The following THYN1 variants were observed in gnomAD, a reference collection of about 807,000 sequenced individuals.
THYN1 encodes the protein thymocyte nuclear protein 1, also known as thymocyte protein thy28.
In THYN1, 32 loss-of-function variants were observed where a neutral mutation model predicts 30.6. The observed-to-expected ratio is 1.05, with a 90% CI of 0.79 to 1.40. THYN1 has a LOEUF of 1.40. THYN1 is among the 40% of genes most tolerant of loss of function. The pLI, the probability that THYN1 is intolerant of heterozygous loss-of-function variation, is 0.00. For missense variants in THYN1, 259 were observed against 272.6 expected (o/e 0.95, Z 0.35); for synonymous variants, 107 against 90.8 (o/e 1.18, Z -1.01).
chr11:134,251,813 A>G (rs916687446), intron 1 of THYN1: 1 of 152,508 alleles, frequency 6.6e-6, no homozygotes. Context: ...AGGTGCCAAT[A>G]AAAGTTGAAA....
chr11:134,248,459 C>T lies in THYN1; in HGVS notation c.657G>A (p.Leu219=), dbSNP rs377165872. 5 of 1,613,670 alleles carry T rather than the reference C, an allele frequency of 3.1e-6. No individual in the cohort carries two copies. The African/African-American group carries it at 6.7e-5, about 22-fold the overall frequency. The change falls in exon 7 of 7, where the codon CTG becomes CTA. Residue 219 remains leucine, a synonymous_variant. Coordinates refer to ENST00000341541, the MANE Select transcript of THYN1 (RefSeq NM_014174.3). ...TQEEFDFVLS[L]EEKEPS is the part of the protein sequence containing the mutation. Reference sequence around the variant, plus strand: ...TCAGTTAACTTGGTTCCTTTTCCTCCAGGCTCAAAACAAAATCAAACTCTT... The same window carrying T: ...TCAGTTAACTTGGTTCCTTTTCCTCTAGGCTCAAAACAAAATCAAACTCTT...
At chr11:134,249,743 C>T (rs1344873053) in intron 4 of THYN1, 85 bp downstream of exon 4, 3 of 1,347,994 alleles carry the variant, frequency 2.2e-6, no homozygotes, top group Admixed American at 4.0e-5. Context: ...TTTTTTGTTG[C>T]CTAATTAAGG....
At position 134,253,178 on chromosome 11, in the gene THYN1, C is replaced by T; in HGVS notation, c.-296G>A. The T allele has an allele frequency of 8.2e-6, 11 of 1,338,124 alleles. No homozygotes were observed. The highest frequency in any genetic ancestry group is 5.7e-5 in the South Asian group (3 of 52,954). The allele number at this position is 1,338,124 out of a possible 1,614,324, so 82.9% of individuals were successfully genotyped here. On this transcript the variant is annotated 5_prime_UTR_variant, in exon 1 of 7. Coordinates refer to ENST00000341541, the MANE Select transcript of THYN1 (RefSeq NM_014174.3). ...CAGTATGTAGTTCACTGGGAAGTGG[C>T]TCCACAGAGACACTTTTGTTGGGTG... is the stretch of plus-strand genomic sequence containing the variant.
rs760914636 is a variant in THYN1, at chr11:134,252,886, C to A, written c.-4G>T. ...GCCTCTTCCGGGGTCTCGACATGGT[C>A]ACGCTGCAGGGGACTTTAGTGCGGA... On this transcript the variant is annotated 5_prime_UTR_variant, in exon 1 of 7. Coordinates refer to ENST00000341541, the MANE Select transcript of THYN1 (RefSeq NM_014174.3). The A allele has an allele frequency of 1.2e-6, 2 of 1,600,636 alleles. No homozygotes were observed. Among genetic ancestry groups the A allele is most frequent in the African/African-American group, 1.4e-5 (1 of 73,722 alleles).
intron 4 of THYN1, among the ~76,000 whole-genome samples, chr11:134,249,516 G>GT (rs1246353572): frequency 6.6e-6 from 1 of 152,150 alleles, no homozygotes; most frequent in Non-Finnish European, 1.5e-5. Flanking sequence ...TGGTACCACT[G>GT]TTTTTTTCCC....
In THYN1 at chr11:134,253,218, TTG is replaced by T; in HGVS notation, c.-338_-337del. The T allele has an allele frequency of 7.6e-7, 1 of 1,320,702 alleles. No individual in the cohort carries two copies. Among genetic ancestry groups the T allele is most frequent in the Non-Finnish European group, 9.6e-7 (1 of 1,036,692 alleles). The allele number at this position is 1,320,702 out of a possible 1,614,324, so 81.8% of individuals were successfully genotyped here. ...TTTGTTGGGTGAATATAAGTAAGCC[TTG>T]TGTTACCTTGTTATCCTTGCTAATT... On this transcript the variant is annotated 5_prime_UTR_variant, in exon 1 of 7. Transcript: ENST00000341541.
At chr11:134,249,732 CTTTT>C (rs780349488) in intron 4 of THYN1, 92 bp downstream of exon 4, 20 of 1,261,758 alleles carry the variant, frequency 1.6e-5, no homozygotes, top group Non-Finnish European at 2.1e-5. Context: ...GGGGAGTGTA[CTTTT>C]TTGTTGCCTA....
Position 134,252,872 on chromosome 11 carries a change from G to A in THYN1, c.11C>T (p.Pro4Leu). 1.2e-6 allele frequency: 2 copies of A among 1,604,510 alleles called. No homozygotes were observed. The highest frequency in any genetic ancestry group is 1.7e-6 in the Non-Finnish European group (2 of 1,177,192). ...AGAAGTCCCAGCCAGCCTCTTCCGG[G>A]GTCTCGACATGGTCACGCTGCAGGG... MSRPRKRLAGTSGS... is the reference protein window; with the variant it reads MSRLRKRLAGTSGS... The change falls in exon 1 of 7, where the codon CCC becomes CTC. Residue 4 changes from proline (P) to leucine (L), a missense_variant. Coordinates refer to ENST00000341541, the MANE Select transcript of THYN1 (RefSeq NM_014174.3).
chr11:134,252,777 A>G (rs1290251502), intron 1 of THYN1, 63 bp downstream of exon 1: 2 of 1,589,456 alleles, frequency 1.3e-6, no homozygotes, highest in South Asian at 1.1e-5. Flanking sequence ...AATGAGTACT[A>G]AACAGGCTCT....
intron 1 of THYN1, chr11:134,251,734 A>G (rs1939069259): frequency 6.4e-6 from 1 of 155,370 alleles, no homozygotes; most frequent in Admixed American, 6.5e-5. Flanking sequence ...AAGCATTATT[A>G]TTCTCATCTC....
chr11:134,252,099 A>G (rs1591494615), intron 1 of THYN1, among the ~76,000 whole-genome samples: 1 of 152,180 alleles, frequency 6.6e-6, no homozygotes, highest in Admixed American at 6.6e-5. Context: ...ACTGAGGTCT[A>G]TCTGAAGCTA....
In THYN1 at chr11:134,248,472, A is replaced by G. The variant is rs1565361332; in HGVS notation, c.644T>C (p.Phe215Ser). 1 of 1,613,660 alleles carries G rather than the reference A, an allele frequency of 6.2e-7. No individual in the cohort carries two copies. The highest frequency in any genetic ancestry group is 1.1e-5 in the South Asian group (1 of 91,066). ...TTCCTTTTCCTCCAGGCTCAAAACA[A>G]AATCAAACTCTTCTACAAAAAAAAA... ...IQPLTQEEFD[F>S]VLSLEEKEPS The change falls in exon 7 of 7, where the codon TTT becomes TCT. Residue 215 changes from phenylalanine to serine, a missense_variant. Coordinates refer to ENST00000341541, the MANE Select transcript of THYN1 (RefSeq NM_014174.3).
Position 134,248,393 on chromosome 11 carries a change from C to G in THYN1, c.*45G>C. Reference sequence around the variant, plus strand: ...CACCTTTTGTCTGAAAAAAGCTTGACTTCTTTGCAGCAATGTCTCGCCCAT... The same window carrying G: ...CACCTTTTGTCTGAAAAAAGCTTGAGTTCTTTGCAGCAATGTCTCGCCCAT... On this transcript the variant is annotated 3_prime_UTR_variant, in exon 7 of 7. Coordinates refer to ENST00000341541, the MANE Select transcript of THYN1 (RefSeq NM_014174.3). 1 of 1,613,432 alleles carries G rather than the reference C, an allele frequency of 6.2e-7. No homozygotes were observed. The highest frequency in any genetic ancestry group is 8.5e-7 in the Non-Finnish European group (1 of 1,179,352).
rs1329578859 is a variant in THYN1 at position 134,248,665 on chromosome 11, C to T, written c.631+144G>A. On this transcript the variant is annotated intron_variant, in intron 6 of 6. Coordinates refer to ENST00000341541, the MANE Select transcript of THYN1 (RefSeq NM_014174.3). ...GGTAATAGTAACAGGTAACTCTGGC[C>T]ACATTCCCTCCCTCATGGGTGTTAC... The T allele has an allele frequency of 7.3e-6, 10 of 1,364,116 alleles. No homozygotes were observed. The Admixed American group carries it at 1.1e-4, about 15-fold the overall frequency. 84.5% of individuals were successfully genotyped at this position (1,364,116 alleles called of 1,614,324 possible). A position where few individuals can be genotyped will look rare whatever the true frequency, so the allele number is the denominator to read the frequency against.
rs1017531568 is a variant in THYN1 at position 134,253,318 on chromosome 11, A to G, written c.-436T>C. The stretch of plus-strand genomic sequence containing the variant: ...ACAGACCCAACACTCTGCAGACTCG[A>G]CTGCGGTCCGCCTCCGCTGCGCCGC... On this transcript the variant is annotated 5_prime_UTR_variant, in exon 1 of 7. Transcript: ENST00000341541. The G allele has an allele frequency of 7.9e-5, 110 of 1,399,008 alleles. No individual in the cohort carries two copies. The highest frequency in any genetic ancestry group is 9.7e-5 in the Non-Finnish European group (105 of 1,077,478). The allele number at this position is 1,399,008 out of a possible 1,614,324, so 86.7% of individuals were successfully genotyped here.
chr11:134,249,572 T>A (rs560005134), intron 4 of THYN1, among the ~76,000 whole-genome samples: 2 of 152,178 alleles, frequency 1.3e-5, no homozygotes. Flanking sequence ...GGAGGAGCTA[T>A]CATCAGGCCT....
intron 1 of THYN1, 157 bp from the exon 2 acceptor site, chr11:134,251,465 A>G: frequency 1.2e-6 from 1 of 831,680 alleles, no homozygotes; most frequent in Non-Finnish European, 1.9e-6. Context: ...TTCCTTATCT[A>G]TAAAAATTAG....
At position 134,249,245 on chromosome 11, in the gene THYN1, G is replaced by A. The variant is rs748820188; in HGVS notation, c.402C>T (p.Tyr134=). The A allele has an allele frequency of 1.2e-6, 2 of 1,614,212 alleles. No individual in the cohort carries two copies. The highest frequency in any genetic ancestry group is 2.2e-5 in the East Asian group (1 of 44,878). ...AGLMKIVKEA[Y]PDHTQFEKNN... is the part of the protein sequence containing the mutation. Reference sequence around the variant, plus strand: ...TTTTCTCAAACTGTGTGTGGTCTGGGTAAGCCTCTTTCACGATCTGAAACC... The same window carrying A: ...TTTTCTCAAACTGTGTGTGGTCTGGATAAGCCTCTTTCACGATCTGAAACC... The change falls in exon 5 of 7, where the codon TAC becomes TAT. Residue 134 remains tyrosine (Y), a synonymous_variant. Coordinates refer to ENST00000341541, the MANE Select transcript of THYN1 (RefSeq NM_014174.3).
rs113862123 is a variant in THYN1, at chr11:134,252,801, T to C, written c.43+39A>G. On this transcript the variant is annotated intron_variant, in intron 1 of 6. Transcript: ENST00000341541. ...TAAACAGGCTCTTCGAGAAAAGTTT[T>C]TTCTTGGGCTGCCTTTGTGCAGCCT... 698 of 1,613,150 alleles carry C rather than the reference T, an allele frequency of 4.3e-4. 1 individual carries two copies. The African/African-American group carries it at 8.0e-3, about 19-fold the overall frequency.
Sources: gnomAD v4.1 joint callset for allele counts (sites outside exome capture counted in the v4.1 genomes callset) on GRCh38, gnomAD v4.1.1 for gene constraint, MANE v1.5 for transcripts, NCBI Gene and HGNC (gene_info 2026-07-23, HGNC 2026-07-21) for gene names.